Variants in SPSB1 observed in about 807,000 individuals in gnomAD.
SPSB1 encodes SPRY domain-containing SOCS box protein 1.
A neutral mutation model predicts 21.2 loss-of-function variants in SPSB1; 8 were observed. The ratio of observed to expected loss-of-function variants is 0.38; its 90% CI spans 0.22 to 0.68. The LOEUF is 0.68. Ranked by LOEUF, SPSB1 falls within the 30% of genes least tolerant of loss-of-function variation. The pLI is 0.53. For synonymous variants in SPSB1, 169 were observed against 161.7 expected, an observed-to-expected ratio of 1.05 and a Z score of -0.34; for missense variants, 242 against 377.8, an observed-to-expected ratio of 0.64 and a Z score of 2.98.
At chr1:9,364,844 T>TGTC (rs1553129327) in intron 2 of SPSB1, among the ~76,000 whole-genome samples, 1 of 151,956 alleles carries the variant, frequency 6.6e-6, no homozygotes, top group Non-Finnish European at 1.5e-5. Flanking sequence ...TTGTTGTTGT[T>TGTC]GTCGTTGTTG....
At position 9,305,897 on chromosome 1, in the gene SPSB1, C is replaced by T. The variant is rs1292949184; in HGVS notation, c.-150+12826C>T. ...AGAGGACACTGGTGGCAGGGGTGGC[C>T]AGGTTGGAAAGGCGGGAAGGGTGCC... On this transcript the variant is annotated intron_variant, in intron 1 of 2. Transcript: ENST00000328089. The surrounding 1 kb of genome is among the most constrained non-coding windows in gnomAD (Gnocchi z 4.8). Among the ~76,000 whole-genome samples the T allele has an allele frequency of 6.6e-6, 1 of 152,038 alleles. No individual in the cohort carries two copies. The highest frequency in any genetic ancestry group is 2.4e-5 in the African/African-American group (1 of 41,388).
rs1639783094 is a variant in SPSB1, at chr1:9,324,614, C to T, written c.-149-31129C>T. Among the ~76,000 whole-genome samples the T allele has an allele frequency of 6.6e-6, 1 of 152,102 alleles. No homozygotes were observed. Among genetic ancestry groups the T allele is most frequent in the Admixed American group, 6.5e-5 (1 of 15,280 alleles). On this transcript the variant is annotated intron_variant, in intron 1 of 2. Coordinates refer to ENST00000328089, the MANE Select transcript of SPSB1 (RefSeq NM_025106.4). This position sits in a 1 kb window ranked among gnomAD's most constrained non-coding sequence, Gnocchi z 4.3. ...TGGGAGAAAACCCAAACCTGGGTTT[C>T]CCTGAGGCTGAAACTGCCAGTGGCC...
chr1:9,337,979 G>C (rs11121376), intron 1 of SPSB1, among the ~76,000 whole-genome samples: 8,358 of 152,280 alleles, frequency 0.055, 788 homozygotes, highest in African/African-American at 0.19. Context: ...TCTGGCCAAG[G>C]TCAGCAGCCT....
chr1:9,344,826 C>T (rs536063191), intron 1 of SPSB1, among the ~76,000 whole-genome samples: 9 of 152,052 alleles, frequency 5.9e-5, no homozygotes, highest in African/African-American at 1.4e-4. Context: ...ATCCCTTCCC[C>T]GGTCCTTTCC....
chr1:9,301,890 G>A (rs190883378), intron 1 of SPSB1, among the ~76,000 whole-genome samples: 7 of 152,368 alleles, frequency 4.6e-5, no homozygotes, highest in African/African-American at 1.2e-4. Flanking sequence ...AAGGGGCAGC[G>A]TTTTGTCCTT....
chr1:9,337,109 A>G (rs1339823527), intron 1 of SPSB1, among the ~76,000 whole-genome samples: 2 of 151,998 alleles, frequency 1.3e-5, no homozygotes, highest in Non-Finnish European at 2.9e-5. Flanking sequence ...TGTCCCAATG[A>G]GAAGAGATGA....
rs535424013 is a variant in SPSB1 at position 9,304,445 on chromosome 1, T to C, written c.-150+11374T>C. On this transcript the variant is annotated intron_variant, in intron 1 of 2. Coordinates refer to ENST00000328089, the MANE Select transcript of SPSB1 (RefSeq NM_025106.4). ...TGCATCTCTGGAGAATCCTGGCTAA[T>C]GCAGTTATGGTCGCCTTAAGAATCT... Among the ~76,000 whole-genome samples the C allele has an allele frequency of 3.6e-3, 555 of 152,302 alleles. 7 individuals carry two copies. The highest frequency in any genetic ancestry group is 3.4e-3 in the Middle Eastern group (1 of 294).
In SPSB1 at chr1:9,367,817, A is replaced by C. The variant is rs921086798; in HGVS notation, c.*242A>C. On this transcript the variant is annotated 3_prime_UTR_variant, in exon 3 of 3. Transcript: ENST00000328089. This position sits in a 1 kb window ranked among gnomAD's most constrained non-coding sequence, Gnocchi z 5.9. ...CATCCCTGCATGCCGTCCGTATACA[A>C]CCCCTCTTTGAAAAAAGACACAGAG... The C allele has an allele frequency of 2.6e-5, 14 of 548,966 alleles. No homozygotes were observed. The highest frequency in any genetic ancestry group is 3.5e-5 in the Non-Finnish European group (11 of 314,408). The allele number at this position is 548,966 out of a possible 1,614,324, so 34.0% of individuals were successfully genotyped here.
intron 2 of SPSB1, among the ~76,000 whole-genome samples, chr1:9,362,690 A>G (rs1640500818): frequency 6.6e-6 from 1 of 152,228 alleles, no homozygotes; most frequent in African/African-American, 2.4e-5. Context: ...CTCTCGGGGA[A>G]CAGTGAGACA....
intron 1 of SPSB1, among the ~76,000 whole-genome samples, chr1:9,299,235 G>C (rs893848086): frequency 2.6e-5 from 4 of 152,218 alleles, no homozygotes; most frequent in African/African-American, 9.6e-5. Flanking sequence ...GCATCCAGCT[G>C]GTAAGGCCGG....
intron 1 of SPSB1, among the ~76,000 whole-genome samples, chr1:9,353,296 C>G (rs1230430022): frequency 6.6e-6 from 1 of 152,074 alleles, no homozygotes; most frequent in East Asian, 1.9e-4. Flanking sequence ...AGGCCACACC[C>G]GCACCACACC....
At chr1:9,315,734 AGCACAG>A (rs1557449368) in intron 1 of SPSB1, among the ~76,000 whole-genome samples, 1 of 152,192 alleles carries the variant, frequency 6.6e-6, no homozygotes, top group Admixed American at 6.5e-5. Context: ...GGGCCTCAGG[AGCACAG>A]GCAGCCCCAC....
chr1:9,316,733 C>T (rs1433942045), intron 1 of SPSB1, among the ~76,000 whole-genome samples: 1 of 152,242 alleles, frequency 6.6e-6, no homozygotes, highest in Non-Finnish European at 1.5e-5. Flanking sequence ...GGCTGCTTCT[C>T]CAGGGGAGAC....
intron 1 of SPSB1, among the ~76,000 whole-genome samples, chr1:9,355,095 G>A (rs1037778715): frequency 6.6e-6 from 1 of 152,210 alleles, no homozygotes; most frequent in Admixed American, 6.5e-5. Context: ...TGTCTGAATC[G>A]AGGCCTTCCC....
chr1:9,360,393 G>C (rs1240594288), intron 2 of SPSB1, among the ~76,000 whole-genome samples: 1 of 152,220 alleles, frequency 6.6e-6, no homozygotes, highest in Admixed American at 6.5e-5. Context: ...GGCACGGGAG[G>C]AGCCTGATGG....
intron 2 of SPSB1, among the ~76,000 whole-genome samples, chr1:9,358,129 C>T (rs114425842): frequency 0.026 from 4,018 of 152,296 alleles, 67 homozygotes; most frequent in Non-Finnish European, 0.036. Flanking sequence ...CCTCCTGCTC[C>T]TCCTCCCCCA....
intron 1 of SPSB1, among the ~76,000 whole-genome samples, chr1:9,307,013 C>T (rs527834078): frequency 3.2e-3 from 478 of 151,744 alleles, no homozygotes; most frequent in African/African-American, 0.01. Context: ...CTGCAGCCTC[C>T]GCCTCCCAGG....
intron 1 of SPSB1, among the ~76,000 whole-genome samples, chr1:9,312,722 T>A (rs1307767274): frequency 2.0e-5 from 3 of 152,116 alleles, no homozygotes; most frequent in Non-Finnish European, 4.4e-5. Flanking sequence ...ATTGGCGTGG[T>A]TTTGGTTTTC....
Position 9,356,239 on chromosome 1 carries a change from G to C in SPSB1, c.348G>C (p.Gly116=). 1 of 1,606,172 alleles carries C rather than the reference G, an allele frequency of 6.2e-7. No homozygotes were observed. Among genetic ancestry groups the C allele is most frequent in the Non-Finnish European group, 8.5e-7 (1 of 1,175,230 alleles). The change falls in exon 2 of 3, where the codon GGG becomes GGC. Residue 116 remains glycine, a synonymous_variant. Transcript: ENST00000328089. This position sits in a 1 kb window ranked among gnomAD's most constrained non-coding sequence, Gnocchi z 7.4. ...MRQRGTHAVV[G]VATADAPLHS... Reference sequence around the variant, plus strand: ...AGCGGGGCACACACGCCGTGGTGGGGGTGGCGACGGCAGACGCCCCCCTGC... The same window carrying C: ...AGCGGGGCACACACGCCGTGGTGGGCGTGGCGACGGCAGACGCCCCCCTGC...
Sources: allele counts gnomAD v4.1 joint callset (sites outside exome capture counted in the v4.1 genomes callset), GRCh38; gene constraint gnomAD v4.1.1; non-coding constraint Gnocchi (gnomAD v3.1); transcripts MANE v1.5; gene names NCBI Gene and HGNC (gene_info 2026-07-23, HGNC 2026-07-21).